The following NXNL2 variants were observed in gnomAD, a reference collection of about 807,000 sequenced individuals.
NXNL2 encodes the protein nucleoredoxin-like protein 2.
A neutral mutation model predicts 11.1 loss-of-function variants in NXNL2; 7 were observed. The observed-to-expected ratio is 0.63, with a 90% CI of 0.36 to 1.18. NXNL2 has a LOEUF of 1.18. NXNL2 is among the 50% of genes most tolerant of loss of function. The pLI, the probability that NXNL2 is intolerant of heterozygous loss-of-function variation, is 0.02. For missense variants in NXNL2, 233 were observed against 217.7 expected, an observed-to-expected ratio of 1.07 and a Z score of -0.44; for synonymous variants, 109 against 101.8, an observed-to-expected ratio of 1.07 and a Z score of -0.42.
rs1829596166 is a variant in NXNL2, at chr9:88,535,663, C to G, written c.229C>G (p.Gln77Glu). Residue 77 changes from glutamine to glutamate, a missense_variant, in exon 1 of 2, where the codon CAG (glutamine) becomes GAG (glutamate). Transcript: ENST00000375854. ...CTTCGTGTCAGCCGACGGCAGCTCC[C>G]AGGAGATGCTGGACTTCATGCGCGA... The part of the protein sequence containing the change: ...VVFVSADGSS[Q>E]EMLDFMRELH... The G allele has an allele frequency of 6.2e-7, 1 of 1,607,802 alleles. No individual in the cohort carries two copies. Among genetic ancestry groups the G allele is most frequent in the African/African-American group, 1.3e-5 (1 of 74,948 alleles).
At chr9:88,577,943 G>A (rs796395742), downstream of NXNL2, among the ~76,000 whole-genome samples, 33 of 152,300 alleles carry the variant, frequency 2.2e-4, no homozygotes, top group African/African-American at 3.4e-4. Context: ...TGTGGGACCC[G>A]CCCCTAGGCG....
chr9:88,541,764 T>C (rs1411198805), intron 1 of NXNL2, among the ~76,000 whole-genome samples: 1 of 152,240 alleles, frequency 6.6e-6, no homozygotes, highest in East Asian at 1.9e-4. Flanking sequence ...GTCATCTATA[T>C]ACTAAAGTTT....
At chr9:88,557,102 A>G (rs1271959950) in intron 1 of NXNL2, among the ~76,000 whole-genome samples, 1 of 144,174 alleles carries the variant, frequency 6.9e-6, no homozygotes, top group South Asian at 2.1e-4. Flanking sequence ...AAAAAAAAAA[A>G]AAGAAAGATG....
chr9:88,577,814 A>G (rs1830365192), downstream of NXNL2, among the ~76,000 whole-genome samples: 1 of 152,226 alleles, frequency 6.6e-6, no homozygotes, highest in Admixed American at 6.5e-5. Context: ...TAGGGCATCA[A>G]CATATGAACT....
intron 2 of NXNL2, among the ~76,000 whole-genome samples, chr9:88,574,693 T>A (rs1449048089): frequency 1.3e-5 from 2 of 152,226 alleles, no homozygotes; most frequent in African/African-American, 2.4e-5. Context: ...GACTTCCTTA[T>A]ACAGCATATT....
chr9:88,579,219 T>C (rs754155062), downstream of NXNL2, among the ~76,000 whole-genome samples: 11 of 152,308 alleles, frequency 7.2e-5, no homozygotes, highest in Admixed American at 5.9e-4. Flanking sequence ...GTTTGGCTGA[T>C]CTTGACTTTC....
chr9:88,582,345 T>C (rs2118561841), intron 1 of NXNL2, among the ~76,000 whole-genome samples: 1 of 152,174 alleles, frequency 6.6e-6, no homozygotes, highest in South Asian at 2.1e-4. Flanking sequence ...GGCGGGCGCC[T>C]GTAGTCCCAG....
In NXNL2 at chr9:88,557,616, A is replaced by C. The variant is rs1160622479; in HGVS notation, c.303-13471A>C. The stretch of plus-strand genomic sequence containing the variant: ...CCAACAGCTAAGACAGGAGGCAGGA[A>C]TAGTCTAATTTCTGAACAACTGACC... On this transcript the variant is annotated intron_variant, in intron 1 of 2. Coordinates refer to the NXNL2 transcript ENST00000375855. Among the ~76,000 whole-genome samples the C allele has an allele frequency of 3.3e-5, 5 of 152,224 alleles. No homozygotes were observed. In the East Asian group the frequency reaches 9.6e-4, roughly 29 times the overall value.
exon 2 of NXNL2, chr9:88,571,096 C>G: frequency 2.4e-6 from 1 of 416,998 alleles, no homozygotes; most frequent in South Asian, 1.7e-5. Flanking sequence ...GACGGAGTCT[C>G]GCTCTGTTGC....
At chr9:88,562,308 G>A (rs527623479) in intron 1 of NXNL2, among the ~76,000 whole-genome samples, 1 of 152,254 alleles carries the variant, frequency 6.6e-6, no homozygotes, top group South Asian at 2.1e-4. Context: ...GGCACCCAAG[G>A]GTGCGGCTGG....
intron 1 of NXNL2, among the ~76,000 whole-genome samples, chr9:88,570,037 T>C (rs1386311972): frequency 6.6e-6 from 1 of 152,188 alleles, no homozygotes; most frequent in Non-Finnish European, 1.5e-5. Flanking sequence ...CTGCGTAGTT[T>C]GCAGTGTACT....
chr9:88,550,924 G>A (rs144078847), intron 1 of NXNL2, among the ~76,000 whole-genome samples: 33 of 152,252 alleles, frequency 2.2e-4, no homozygotes, highest in African/African-American at 7.7e-4. Context: ...TGAGGCTCTC[G>A]TCACCTTCTT....
chr9:88,577,929 C>T (rs115801148), downstream of NXNL2, among the ~76,000 whole-genome samples: 1 of 152,298 alleles, frequency 6.6e-6, no homozygotes, highest in African/African-American at 2.4e-5. Flanking sequence ...GAGCAGTGTC[C>T]TGCTGTGGGA....
At chr9:88,550,096 G>A (rs1829908155) in intron 1 of NXNL2, among the ~76,000 whole-genome samples, 1 of 152,122 alleles carries the variant, frequency 6.6e-6, no homozygotes, top group Non-Finnish European at 1.5e-5. Flanking sequence ...GGGATTACAG[G>A]CGTGAGCCAC....
At chr9:88,562,579 C>T (rs959060915) in intron 1 of NXNL2, among the ~76,000 whole-genome samples, 1 of 151,812 alleles carries the variant, frequency 6.6e-6, no homozygotes, top group Non-Finnish European at 1.5e-5. Context: ...ATGGTGAAAC[C>T]CCATTTCTAC....
intron 2 of NXNL2, among the ~76,000 whole-genome samples, chr9:88,574,042 C>T (rs1457947987): frequency 6.6e-6 from 1 of 152,158 alleles, no homozygotes; most frequent in Non-Finnish European, 1.5e-5. Context: ...ATGGTGCAGC[C>T]TCTTTGTAAA....
intron 1 of NXNL2, among the ~76,000 whole-genome samples, chr9:88,564,256 ATCTATCTATCTG>A (rs1459908196): frequency 1.2e-4 from 16 of 135,354 alleles, no homozygotes; most frequent in African/African-American, 3.0e-4. Context: ...CTATCTATCT[ATCTATCTATCTG>A]TCTATCTATC....
intron 1 of NXNL2, among the ~76,000 whole-genome samples, chr9:88,564,820 A>G (rs374956677): frequency 3.3e-5 from 5 of 152,114 alleles, no homozygotes; most frequent in African/African-American, 9.7e-5. Flanking sequence ...ATTTACTAAT[A>G]TTTCTTTTTC....
chr9:88,582,440 G>A (rs1342988194), intron 1 of NXNL2, among the ~76,000 whole-genome samples: 1 of 152,078 alleles, frequency 6.6e-6, no homozygotes, highest in Non-Finnish European at 1.5e-5. Flanking sequence ...CTGCACTCCA[G>A]CCTGGGCGAC....
Sources: gnomAD v4.1 joint callset for allele counts (sites outside exome capture counted in the v4.1 genomes callset) on GRCh38, gnomAD v4.1.1 for gene constraint, MANE v1.5 for transcripts, NCBI Gene and HGNC (gene_info 2026-07-23, HGNC 2026-07-21) for gene names.